Variants in ENOX1 observed in about 807,000 individuals in gnomAD.
ENOX1 encodes the protein ecto-NOX disulfide-thiol exchanger 1.
ENOX1 carries 42 observed loss-of-function variants against 82.5 expected under a neutral mutation model. The observed-to-expected ratio is 0.51, with a 90% CI of 0.40 to 0.66. The LOEUF (loss-of-function observed/expected upper bound fraction) is 0.66. Among genes scored for constraint, ENOX1 ranks in the 30% least tolerant of loss-of-function variants. The pLI is 0.00. For missense variants in ENOX1, 608 were observed against 811.6 expected (o/e 0.75, Z 3.05); for synonymous variants, 271 against 282.2 (o/e 0.96, Z 0.40).
At chr13:43,340,951 G>C (rs1460989566) in intron 9 of ENOX1, among the ~76,000 whole-genome samples, 4 of 152,160 alleles carry the variant, frequency 2.6e-5, no homozygotes, top group Non-Finnish European at 1.5e-5. Context: ...ACTAAAAGCA[G>C]ACATATCATG....
intron 8 of ENOX1, among the ~76,000 whole-genome samples, chr13:43,351,255 A>G (rs1219487699): frequency 1.3e-5 from 2 of 152,220 alleles, no homozygotes; most frequent in Non-Finnish European, 2.9e-5. Context: ...GGCTAAACAA[A>G]GAGTTAATGT....
In ENOX1 at chr13:43,356,078, T is replaced by C; in HGVS notation, c.664A>G (p.Arg222Gly). ...GRLHVDFAQA[R>G]DDFYEWECKQ... ...CATTCCCACTCATAGAAGTCATCCCTGGCCTGGGCAAAGTCCACATGAAGG... is the reference window on the plus strand; with the variant it reads ...CATTCCCACTCATAGAAGTCATCCCCGGCCTGGGCAAAGTCCACATGAAGG... Residue 222 changes from arginine (R) to glycine (G), a missense_variant, in exon 8 of 17, where the codon AGG (arginine) becomes GGG (glycine). Coordinates refer to ENST00000690772, the MANE Select transcript of ENOX1 (RefSeq NM_001347969.2). The C allele has an allele frequency of 6.8e-6, 11 of 1,614,206 alleles. No homozygotes were observed. The highest frequency in any genetic ancestry group is 9.3e-6 in the Non-Finnish European group (11 of 1,180,044).
intron 3 of ENOX1, among the ~76,000 whole-genome samples, chr13:43,450,746 A>T (rs1048978384): frequency 2.6e-5 from 4 of 152,076 alleles, no homozygotes; most frequent in African/African-American, 9.6e-5. Flanking sequence ...AGTGGCGTGG[A>T]CTCAGGATTG....
At chr13:43,772,478 A>G (rs1951689468) in intron 1 of ENOX1, among the ~76,000 whole-genome samples, 1 of 152,084 alleles carries the variant, frequency 6.6e-6, no homozygotes, top group Admixed American at 6.6e-5. Flanking sequence ...TACAGAGCAT[A>G]AAAATGGGAA....
At chr13:43,576,720 T>A (rs539354794) in intron 2 of ENOX1, among the ~76,000 whole-genome samples, 1 of 152,298 alleles carries the variant, frequency 6.6e-6, no homozygotes, top group East Asian at 1.9e-4. Flanking sequence ...ACAGTAGCAA[T>A]AGAAAACTAA....
intron 8 of ENOX1, among the ~76,000 whole-genome samples, chr13:43,346,328 T>A (rs1336893536): frequency 1.3e-5 from 2 of 152,188 alleles, no homozygotes; most frequent in Non-Finnish European, 2.9e-5. Context: ...GATGTACCCA[T>A]GCTCAGGCAC....
At chr13:43,703,341 T>C (rs1350602172) in intron 1 of ENOX1, among the ~76,000 whole-genome samples, 5 of 152,168 alleles carry the variant, frequency 3.3e-5, no homozygotes, top group Non-Finnish European at 7.3e-5. Context: ...TAGCCAACAA[T>C]CTAGATTTTC....
chr13:43,431,277 G>A (rs779057932), intron 3 of ENOX1, among the ~76,000 whole-genome samples: 8 of 152,022 alleles, frequency 5.3e-5, no homozygotes, highest in Non-Finnish European at 5.9e-5. Flanking sequence ...TGGAGCTCCC[G>A]CAACACAGAT....
chr13:43,744,651 G>C (rs901149111), intron 1 of ENOX1, among the ~76,000 whole-genome samples: 11 of 152,204 alleles, frequency 7.2e-5, no homozygotes, highest in Non-Finnish European at 5.9e-5. Flanking sequence ...ACAGGAGTGT[G>C]AACTTTAATA....
At chr13:43,375,043 G>T (rs151336124) in intron 5 of ENOX1, among the ~76,000 whole-genome samples, 1 of 152,144 alleles carries the variant, frequency 6.6e-6, no homozygotes, top group Non-Finnish European at 1.5e-5. Context: ...TATGATGGAC[G>T]TTTATGTGCC....
rs1952673809 is a variant in ENOX1 at position 43,786,948 on chromosome 13, CGTGCGCACGCGCGCCTGCGAGTGT to C, written c.-605_-582del. On this transcript the variant is annotated 5_prime_UTR_variant, in exon 1 of 17. Transcript: ENST00000690772. This position sits in a 1 kb window ranked among gnomAD's most constrained non-coding sequence, Gnocchi z 6.0. ...GACTCCGCGGCTGGAGGCGCGCGGG[CGTGCGCACGCGCGCCTGCGAGTGT>C]GAGTGTATGGGTGCGCGCGCGCCCA... is the stretch of plus-strand genomic sequence containing the variant. 6.7e-6 allele frequency: 1 copy of C among 150,042 alleles called. No homozygotes were observed. Among genetic ancestry groups the C allele is most frequent in the Admixed American group, 6.6e-5 (1 of 15,126 alleles). The allele number at this position is 150,042 out of a possible 1,614,324, so 9.3% of individuals were successfully genotyped here.
chr13:43,766,452 C>T (rs1384951086), intron 1 of ENOX1, among the ~76,000 whole-genome samples: 1 of 152,174 alleles, frequency 6.6e-6, no homozygotes, highest in Non-Finnish European at 1.5e-5. Flanking sequence ...CAACACAGTT[C>T]ATTCACTTGA....
intron 2 of ENOX1, among the ~76,000 whole-genome samples, chr13:43,540,523 A>T (rs1328334625): frequency 6.6e-6 from 1 of 152,176 alleles, no homozygotes; most frequent in Non-Finnish European, 1.5e-5. Flanking sequence ...AGGGCTCATG[A>T]CCTTTGGCAT....
intron 1 of ENOX1, among the ~76,000 whole-genome samples, chr13:43,674,770 G>A (rs1006668782): frequency 2.6e-5 from 4 of 152,130 alleles, no homozygotes; most frequent in East Asian, 1.9e-4. Context: ...ACAGGTTCAC[G>A]GATTATAACA....
Position 43,471,809 on chromosome 13 carries a change from C to CAA in ENOX1, c.-75+12198_-75+12199dup, listed in dbSNP as rs5803181. Among the ~76,000 whole-genome samples the CAA allele has an allele frequency of 4.1e-3, 508 of 124,328 alleles. 5 individuals carry two copies. The highest frequency in any genetic ancestry group is 9.9e-3 in the African/African-American group (283 of 28,728). The allele number at this position is 124,328 out of a possible 152,430, so 81.6% of individuals were successfully genotyped here. The stretch of plus-strand genomic sequence containing the variant: ...TGGGTGACAGAGCGAGACTCCGTCT[C>CAA]AAAAAAAAAAAAAAAAAAAAGAAAG... On this transcript the variant is annotated intron_variant, in intron 3 of 16. Transcript: ENST00000690772.
At chr13:43,738,281 A>G (rs1351015180) in intron 1 of ENOX1, among the ~76,000 whole-genome samples, 1 of 152,186 alleles carries the variant, frequency 6.6e-6, no homozygotes, top group East Asian at 1.9e-4. Flanking sequence ...CAACATAACA[A>G]TATGTAGTTA....
intron 5 of ENOX1, among the ~76,000 whole-genome samples, chr13:43,390,273 T>TA (rs2052691319): frequency 6.6e-6 from 1 of 152,298 alleles, no homozygotes; most frequent in Admixed American, 6.5e-5. Context: ...TTTAGACATG[T>TA]AAACTGACTC....
chr13:43,646,713 T>A (rs1199867213), intron 2 of ENOX1, among the ~76,000 whole-genome samples: 4 of 152,312 alleles, frequency 2.6e-5, no homozygotes, highest in South Asian at 2.1e-4. Context: ...GTCTCAATCA[T>A]GCTCTCCAGT....
intron 3 of ENOX1, among the ~76,000 whole-genome samples, chr13:43,469,431 A>G: frequency 6.6e-6 from 1 of 151,842 alleles, no homozygotes; most frequent in East Asian, 1.9e-4. Context: ...CTTTCCTCTT[A>G]TGTATTTGTC....
Sources: gnomAD v4.1 joint callset for allele counts (sites outside exome capture counted in the v4.1 genomes callset) on GRCh38, gnomAD v4.1.1 for gene constraint, Gnocchi (gnomAD v3.1) non-coding constraint, MANE v1.5 for transcripts, NCBI Gene and HGNC (gene_info 2026-07-23, HGNC 2026-07-21) for gene names.